Variants in EFTUD2 observed in about 807,000 individuals in gnomAD.
EFTUD2 encodes the protein 116 kDa U5 small nuclear ribonucleoprotein component.
A neutral mutation model predicts 114.3 loss-of-function variants in EFTUD2; 9 were observed. The observed-to-expected ratio is 0.08, with a 90% confidence interval of 0.05 to 0.14. The LOEUF is 0.14. EFTUD2 is among the 10% of genes least tolerant of loss of function. The probability of loss-of-function intolerance (pLI) is 1.00; values close to 1 mark genes in which losing one functional copy is unlikely to be tolerated. For missense variants in EFTUD2, 765 were observed against 1,241.2 expected (o/e 0.62, Z 5.76); for synonymous variants, 449 against 462.3 (o/e 0.97, Z 0.37).
chr17:44,871,775 C>A (rs1270854440), intron 11 of EFTUD2, among the ~76,000 whole-genome samples: 1 of 152,200 alleles, frequency 6.6e-6, no homozygotes, highest in African/African-American at 2.4e-5. Flanking sequence ...AGACATCTCA[C>A]GGAGCCTGTC....
At chr17:44,880,371 G>C in intron 8 of EFTUD2, 183 bp downstream of exon 8, 1 of 521,880 alleles carries the variant, frequency 1.9e-6, no homozygotes, top group South Asian at 2.3e-5. Flanking sequence ...AAGGCCTGGA[G>C]TATGATGCTT....
chr17:44,859,980 G>A lies in EFTUD2; in HGVS notation c.1785C>T (p.Val595=). ...GCATCTTGGGCAGCTCTGAGGGGTT[G>A]ACTGGCTCCACAGCAATCTTGATAA... ...TSVIKIAVEP[V]NPSELPKMLD... The change falls in exon 18 of 28, where the codon GTC becomes GTT. Residue 595 remains valine, a synonymous_variant. Coordinates refer to ENST00000426333, the MANE Select transcript of EFTUD2 (RefSeq NM_004247.4). 11 of 1,614,206 alleles carry A rather than the reference G, an allele frequency of 6.8e-6. No individual in the cohort carries two copies. Among genetic ancestry groups the A allele is most frequent in the Non-Finnish European group, 8.5e-6 (10 of 1,180,044 alleles).
intron 26 of EFTUD2, 72 bp from the exon 27 acceptor site, chr17:44,851,889 T>C (rs1231609219): frequency 1.6e-6 from 2 of 1,275,486 alleles, no homozygotes; most frequent in African/African-American, 3.1e-5. Context: ...GCAGGACTCT[T>C]CTTATTTATT....
intron 20 of EFTUD2, 85 bp from the exon 21 acceptor site, chr17:44,855,089 G>T (rs1276777017): frequency 8.0e-7 from 1 of 1,249,550 alleles, no homozygotes; most frequent in Non-Finnish European, 1.2e-6. Context: ...AAGACGGACA[G>T]CTGAGGAAGT....
In EFTUD2 at chr17:44,850,669, C is replaced by G. The variant is rs531053205; in HGVS notation, c.*605G>C. 1 of 359,176 alleles carries G rather than the reference C, an allele frequency of 2.8e-6. No individual in the cohort carries two copies. The highest frequency in any genetic ancestry group is 5.2e-6 in the Non-Finnish European group (1 of 190,996). 22.2% of individuals were successfully genotyped at this position (359,176 alleles called of 1,614,324 possible). A position where few individuals can be genotyped will look rare whatever the true frequency, so the allele number is the denominator to read the frequency against. ...TTCTGATCGCAGGAACCCAACAACT[C>G]CCAAGCCATCTTAGGTTCCACCCAG... On this transcript the variant is annotated 3_prime_UTR_variant, in exon 28 of 28. Transcript: ENST00000426333.
intron 2 of EFTUD2, 84 bp downstream of exon 2, chr17:44,894,333 G>T: frequency 8.5e-7 from 1 of 1,173,218 alleles, no homozygotes; most frequent in Non-Finnish European, 1.3e-6. Flanking sequence ...TTGCGCCACT[G>T]CACTCCAACC....
chr17:44,868,485 C>T (rs2050790335), intron 11 of EFTUD2, 135 bp from the exon 12 acceptor site: 1 of 769,414 alleles, frequency 1.3e-6, no homozygotes, highest in Non-Finnish European at 2.1e-6. Context: ...TCCTTCTAAC[C>T]AGAGAGGAAA....
chr17:44,883,664 A>G lies in EFTUD2; in HGVS notation c.411T>C (p.His137=), dbSNP rs1372044112. The G allele has an allele frequency of 6.2e-7, 1 of 1,614,054 alleles. No individual in the cohort carries two copies. The highest frequency in any genetic ancestry group is 1.7e-5 in the Admixed American group (1 of 60,004). Residue 137 remains histidine, a synonymous_variant, in exon 5 of 28, where the codon CAT becomes CAC. Transcript: ENST00000426333. The part of the protein sequence containing the change: ...ELIRNVTLCG[H]LHHGKTCFVD... ...TCCGTCTTACCTTGCCATGGTGGAG[A>G]TGTCCACAAAGGGTCACATTTCTGA...
intron 10 of EFTUD2, among the ~76,000 whole-genome samples, chr17:44,874,231 C>T (rs1400144572): frequency 6.6e-6 from 1 of 151,244 alleles, no homozygotes; most frequent in Non-Finnish European, 1.5e-5. Flanking sequence ...TTTTTGTAGA[C>T]ACAGAGTCTA....
chr17:44,875,218 T>A (rs946910072), intron 10 of EFTUD2, among the ~76,000 whole-genome samples: 1 of 151,440 alleles, frequency 6.6e-6, no homozygotes, highest in Non-Finnish European at 1.5e-5. Flanking sequence ...TATAAATAAA[T>A]AAAAAATAAA....
Position 44,851,748 on chromosome 17 carries a change from G to A in EFTUD2, c.2785C>T (p.Leu929=). Residue 929 remains leucine, a synonymous_variant, in exon 27 of 28, where the codon CTG becomes TTG. Transcript: ENST00000426333. ...RPLEPQPAPH[L]AREFMIKTRR... ...GTTTTGATCATGAATTCCCGGGCCA[G>A]GTGAGGAGCTGGCTGTGGCTCCAAG... The A allele has an allele frequency of 6.3e-7, 1 of 1,596,354 alleles. No individual in the cohort carries two copies. The highest frequency in any genetic ancestry group is 8.5e-7 in the Non-Finnish European group (1 of 1,173,322).
At chr17:44,871,021 A>AG (rs2050842738) in intron 11 of EFTUD2, among the ~76,000 whole-genome samples, 1 of 151,944 alleles carries the variant, frequency 6.6e-6, no homozygotes, top group Non-Finnish European at 1.5e-5. Context: ...ATGTCTCAAA[A>AG]AAAAAAGAAA....
At chr17:44,893,551 G>A (rs990792894) in intron 2 of EFTUD2, among the ~76,000 whole-genome samples, 1 of 152,178 alleles carries the variant, frequency 6.6e-6, no homozygotes, top group Non-Finnish European at 1.5e-5. Context: ...ACACTTCAGG[G>A]AAATGGAAGA....
At chr17:44,867,186 C>T (rs964856201) in intron 13 of EFTUD2, among the ~76,000 whole-genome samples, 3 of 152,108 alleles carry the variant, frequency 2.0e-5, no homozygotes, top group African/African-American at 4.8e-5. Flanking sequence ...GTTAAATTTC[C>T]GTAACTGAAA....
intron 26 of EFTUD2, 130 bp from the exon 27 acceptor site, chr17:44,851,947 CG>C (rs2050461115): frequency 1.2e-6 from 1 of 837,294 alleles, no homozygotes; most frequent in African/African-American, 1.8e-5. Context: ...GATGGAGTTT[CG>C]CTCTTGTCTC....
At chr17:44,899,346 G>T (rs1207949992) in intron 1 of EFTUD2, 23 bp downstream of exon 1, 3 of 152,298 alleles carry the variant, frequency 2.0e-5, no homozygotes, top group African/African-American at 7.2e-5. Flanking sequence ...ACCCTTCCGT[G>T]CCGCTGACCC....
At chr17:44,851,577 A>G (rs935205002) in intron 27 of EFTUD2, 133 bp downstream of exon 27, 3 of 1,030,200 alleles carry the variant, frequency 2.9e-6, no homozygotes, top group Non-Finnish European at 4.2e-6. Flanking sequence ...TGGTTGCCTA[A>G]GGAGTATACA....
chr17:44,895,217 C>T (rs559940324), intron 1 of EFTUD2, among the ~76,000 whole-genome samples: 4 of 152,324 alleles, frequency 2.6e-5, no homozygotes, highest in South Asian at 2.1e-4. Flanking sequence ...ATTGGGAGGC[C>T]GGGCGCGGTG....
chr17:44,860,634 T>G, intron 16 of EFTUD2, 91 bp from the exon 17 acceptor site: 1 of 801,158 alleles, frequency 1.2e-6, no homozygotes, highest in Non-Finnish European at 2.0e-6. Context: ...GGATCTCACT[T>G]TGTTACCAGG....
Sources: gnomAD v4.1 joint callset for allele counts (sites outside exome capture counted in the v4.1 genomes callset) on GRCh38, gnomAD v4.1.1 for gene constraint, MANE v1.5 for transcripts, NCBI Gene and HGNC (gene_info 2026-07-23, HGNC 2026-07-21) for gene names.